DOCK5: variants seen among roughly 807,000 people sequenced by gnomAD.
The protein encoded by DOCK5 is dedicator of cytokinesis 5.
A neutral mutation model predicts 251.8 loss-of-function variants in DOCK5; 142 were observed. That is an observed-to-expected ratio of 0.56 (90% CI 0.49 to 0.65). The LOEUF (loss-of-function observed/expected upper bound fraction) is 0.65, where lower values mean the gene tolerates loss of function less well. Among genes scored for constraint, DOCK5 ranks in the 30% least tolerant of loss-of-function variants. The probability of loss-of-function intolerance (pLI) is 0.00; values close to 1 mark genes in which losing one functional copy is unlikely to be tolerated. For synonymous variants in DOCK5, 842 were observed against 835.5 expected, an observed-to-expected ratio of 1.01 and a Z score of -0.13; for missense variants, 2,111 against 2,312.3, an observed-to-expected ratio of 0.91 and a Z score of 1.79.
At chr8:25,298,475 T>C (rs1429860625) in intron 7 of DOCK5, among the ~76,000 whole-genome samples, 2 of 152,206 alleles carry the variant, frequency 1.3e-5, no homozygotes, top group African/African-American at 2.4e-5. Flanking sequence ...AACAGGACAG[T>C]CTTGATCACT....
intron 38 of DOCK5, 88 bp from the exon 39 acceptor site, chr8:25,380,217 C>G: frequency 8.4e-7 from 1 of 1,188,750 alleles, no homozygotes; most frequent in South Asian, 1.3e-5. Flanking sequence ...ACCACTTGCT[C>G]ATTCCCAGTG....
At chr8:25,372,954 A>T (rs1366925054) in intron 35 of DOCK5, among the ~76,000 whole-genome samples, 1 of 150,612 alleles carries the variant, frequency 6.6e-6, no homozygotes, top group African/African-American at 2.4e-5. Flanking sequence ...TTATTTCAGT[A>T]GGTTTGGGGG....
chr8:25,401,050 A>G lies in DOCK5; in HGVS notation c.4910A>G (p.Tyr1637Cys), dbSNP rs761365344. ...RELKEKVEKH[Y>C]GVITLPPNLT... Reference sequence around the variant, plus strand: ...CTCAAGGAGAAAGTAGAAAAGCACTATGGGGTTATAACACTGGTAAGCATG... The same window carrying G: ...CTCAAGGAGAAAGTAGAAAAGCACTGTGGGGTTATAACACTGGTAAGCATG... The change falls in exon 47 of 52, where the codon TAT becomes TGT. Residue 1637 changes from tyrosine (Y) to cysteine (C), a missense_variant. Around this residue, in one of 3 missense-constraint regions of DOCK5, gnomAD observed 1,717 missense variants for 1,892.4 expected, o/e 0.91. Transcript: ENST00000276440. The G allele has an allele frequency of 1.4e-5, 22 of 1,613,866 alleles. No individual in the cohort carries two copies. Among genetic ancestry groups the G allele is most frequent in the East Asian group, 2.2e-5 (1 of 44,884 alleles).
chr8:25,309,902 C>T (rs1805043850), intron 12 of DOCK5, among the ~76,000 whole-genome samples: 1 of 151,802 alleles, frequency 6.6e-6, no homozygotes, highest in Non-Finnish European at 1.5e-5. Context: ...TTTCTTTTAA[C>T]ATTCTGCCTT....
rs934080960 is a variant in DOCK5 at position 25,290,048 on chromosome 8, CAT to C, written c.322-1975_322-1974del. ...TACTTTTCATCATCAGAAATTATCT[CAT>C]GTGTGTATATATATTATGATATAAT... On this transcript the variant is annotated intron_variant, in intron 5 of 51. Coordinates refer to ENST00000276440, the MANE Select transcript of DOCK5 (RefSeq NM_024940.8). Among the ~76,000 whole-genome samples the C allele has an allele frequency of 1.1e-4, 17 of 152,116 alleles. No homozygotes were observed. The South Asian group carries it at 1.5e-3, about 13-fold the overall frequency.
At chr8:25,409,033 A>G (rs1227806640) in intron 50 of DOCK5, 93 bp downstream of exon 50, 4 of 1,541,106 alleles carry the variant, frequency 2.6e-6, no homozygotes, top group African/African-American at 1.4e-5. Flanking sequence ...GCCAGAATGT[A>G]TGTAAGACCA....
At chr8:25,362,985 GC>G (rs1800713516) in intron 28 of DOCK5, 61 bp from the exon 29 acceptor site, 1 of 1,273,104 alleles carries the variant, frequency 7.9e-7, no homozygotes, top group African/African-American at 1.5e-5. Flanking sequence ...TTGTATACAC[GC>G]CAGAATAAAG....
chr8:25,384,455 A>ATTTG (rs1294643896), intron 40 of DOCK5, among the ~76,000 whole-genome samples: 1 of 45,212 alleles, frequency 2.2e-5, no homozygotes, highest in Non-Finnish European at 4.5e-5. Flanking sequence ...TTATTTATTT[A>ATTTG]TTTATTTATT....
chr8:25,340,584 A>G (rs13253930), intron 22 of DOCK5, among the ~76,000 whole-genome samples: 13,395 of 152,262 alleles, frequency 0.088, 632 homozygotes, highest in South Asian at 0.2. Flanking sequence ...GCGAAGACTA[A>G]GGGGTCTTGT....
chr8:25,308,841 T>C lies in DOCK5; in HGVS notation c.1108T>C (p.Ser370Pro). The C allele has an allele frequency of 6.2e-7, 1 of 1,613,892 alleles. No homozygotes were observed. Among genetic ancestry groups the C allele is most frequent in the Non-Finnish European group, 8.5e-7 (1 of 1,179,838 alleles). The change falls in exon 12 of 52, where the codon TCA becomes CCA. Residue 370 changes from serine to proline, a missense_variant. Physicochemically the swap from Ser to Pro is moderately conservative, Grantham distance 74. Coordinates refer to ENST00000276440, the MANE Select transcript of DOCK5 (RefSeq NM_024940.8). ...RQLIMSPLIT[S>P]HVIGENEPLT... ...GCTCATCATGTCGCCTTTGATAACA[T>C]CACACGTGATTGGGGAGAATGAGCC...
At chr8:25,291,876 A>AT in intron 5 of DOCK5, 148 bp from the exon 6 acceptor site, 1 of 798,116 alleles carries the variant, frequency 1.3e-6, no homozygotes. Flanking sequence ...CCATCACAAA[A>AT]AAAAAAAAAA....
intron 40 of DOCK5, among the ~76,000 whole-genome samples, chr8:25,385,782 T>C (rs1563225793): frequency 6.6e-6 from 1 of 152,060 alleles, no homozygotes; most frequent in Non-Finnish European, 1.5e-5. Flanking sequence ...ACTCAGTAAG[T>C]ATCATGGAGA....
At chr8:25,374,922 C>T (rs1363769135) in intron 37 of DOCK5, 4 of 1,276,536 alleles carry the variant, frequency 3.1e-6, no homozygotes, top group Non-Finnish European at 4.0e-6. Context: ...AGCAATAAAA[C>T]ACACATTGAT....
rs781686173 is a variant in DOCK5 at position 25,351,835 on chromosome 8, C to T, written c.2850+9C>T. 1 of 1,612,200 alleles carries T rather than the reference C, an allele frequency of 6.2e-7. No individual in the cohort carries two copies. The highest frequency in any genetic ancestry group is 1.3e-5 in the African/African-American group (1 of 74,882). ...GGCAGTCTCCCCACATCGTGAGTATCTCTTTGTTGGATCCCACGGCCGCTG... is the reference window on the plus strand; with the variant it reads ...GGCAGTCTCCCCACATCGTGAGTATTTCTTTGTTGGATCCCACGGCCGCTG... On this transcript the variant is annotated intron_variant, in intron 27 of 51. Coordinates refer to ENST00000276440, the MANE Select transcript of DOCK5 (RefSeq NM_024940.8).
Position 25,325,462 on chromosome 8 carries a change from G to T in DOCK5, c.1818G>T (p.Leu606=), listed in dbSNP as rs575557205. The stretch of plus-strand genomic sequence containing the variant: ...AAGAGCTTCAAGCATCCAAAAACCT[G>T]GTCACCTTCACCCCAAGCAAGGATA... The part of the protein sequence containing the change: ...EEKELQASKN[L]VTFTPSKDST... Residue 606 remains leucine, a synonymous_variant, in exon 18 of 52, where the codon CTG becomes CTT. Transcript: ENST00000276440. 6.2e-7 allele frequency: 1 copy of T among 1,613,834 alleles called. No individual in the cohort carries two copies. The highest frequency in any genetic ancestry group is 1.3e-5 in the African/African-American group (1 of 75,008).
At chr8:25,355,183 G>A (rs1563213489) in intron 27 of DOCK5, among the ~76,000 whole-genome samples, 2 of 152,144 alleles carry the variant, frequency 1.3e-5, no homozygotes, top group African/African-American at 2.4e-5. Context: ...GCAGTGAGCT[G>A]TGAAGGTGCC....
intron 2 of DOCK5, among the ~76,000 whole-genome samples, chr8:25,258,034 A>G (rs989372898): frequency 6.6e-6 from 1 of 152,180 alleles, no homozygotes; most frequent in Non-Finnish European, 1.5e-5. Flanking sequence ...TCCAGAAAAT[A>G]TAAAGCGAAT....
At chr8:25,334,245 A>G (rs762924841) in intron 21 of DOCK5, 49 bp downstream of exon 21, 2 of 1,436,194 alleles carry the variant, frequency 1.4e-6, no homozygotes, top group Admixed American at 1.7e-5. Flanking sequence ...TTGGATTTGT[A>G]CTCTTAGGAC....
intron 30 of DOCK5, among the ~76,000 whole-genome samples, chr8:25,365,521 C>T (rs1204264038): frequency 6.6e-6 from 1 of 152,214 alleles, no homozygotes; most frequent in Non-Finnish European, 1.5e-5. Context: ...GGAGCAGGCT[C>T]AAGCAAGTAG....
Sources: gnomAD v4.1 joint callset for allele counts (sites outside exome capture counted in the v4.1 genomes callset) on GRCh38, gnomAD v4.1.1 for gene constraint, gnomAD v4.1.1 regional missense constraint, MANE v1.5 for transcripts, NCBI Gene and HGNC (gene_info 2026-07-23, HGNC 2026-07-21) for gene names.